ENOSF1: variants seen among roughly 807,000 people sequenced by gnomAD.
The protein encoded by ENOSF1 is enolase superfamily member 1, also known as mitochondrial enolase superfamily member 1.
Under a neutral mutation model 68.2 loss-of-function variants are expected in ENOSF1, and 73 were observed. That is an observed-to-expected ratio of 1.07 (90% CI 0.89 to 1.30). The LOEUF (loss-of-function observed/expected upper bound fraction) is 1.30, where lower values mean the gene tolerates loss of function less well. Among genes scored for constraint, ENOSF1 ranks in the 50% most tolerant of loss-of-function variants. ENOSF1 has a pLI of 0.00. For synonymous variants in ENOSF1, 223 were observed against 210.4 expected (o/e 1.06, Z -0.52); for missense variants, 589 against 554.5 (o/e 1.06, Z -0.62).
Position 694,329 on chromosome 18 carries a change from A to G in ENOSF1, c.315T>C (p.Gly105=). 1 of 1,614,104 alleles carries G rather than the reference A, an allele frequency of 6.2e-7. No homozygotes were observed. The highest frequency in any genetic ancestry group is 8.5e-7 in the Non-Finnish European group (1 of 1,180,026). The change falls in exon 4 of 16, where the codon GGT becomes GGC. Residue 105 remains glycine (G), a synonymous_variant. Transcript: ENST00000647584. ...CCAGGTGCACCACGCCCTTTTCTGGACCAATCTGGTTAGGAAGCAAAGTAC... is the reference window on the plus strand; with the variant it reads ...CCAGGTGCACCACGCCCTTTTCTGGGCCAATCTGGTTAGGAAGCAAAGTAC... ...LTSDGQLRWI[G]PEKGVVHLAT...
At chr18:705,652 T>C (rs1355606098) in intron 2 of ENOSF1, among the ~76,000 whole-genome samples, 2 of 151,898 alleles carry the variant, frequency 1.3e-5, no homozygotes, top group African/African-American at 4.8e-5. Context: ...ACCTCCGAGA[T>C]TGGGCGGGGC....
At chr18:669,953 C>T (rs1567993117), downstream of ENOSF1, among the ~76,000 whole-genome samples, 2 of 151,674 alleles carry the variant, frequency 1.3e-5, no homozygotes, top group South Asian at 4.2e-4. Flanking sequence ...CAGAGTGAGA[C>T]CCTGAATATT....
rs1199071991 is a variant in ENOSF1 at position 670,905 on chromosome 18, A to G, written c.*3400T>C. The G allele has an allele frequency of 2.9e-5, 47 of 1,607,252 alleles. No individual in the cohort carries two copies. The highest frequency in any genetic ancestry group is 3.8e-5 in the Non-Finnish European group (45 of 1,175,952). ...GGGAAGGGTGACTTGCCAGCCTACC[A>G]CACTGAGCTCTTCAGTTCTTTAATA... On this transcript the variant is annotated 3_prime_UTR_variant, in exon 16 of 16. Coordinates refer to ENST00000647584, the MANE Select transcript of ENOSF1 (RefSeq NM_017512.7).
rs10610259 is a variant in ENOSF1 at position 673,710 on chromosome 18, GTTT to G, written c.*592_*594del. The G allele has an allele frequency of 0.41, 56,660 of 138,584 alleles. 11,893 individuals are homozygous for G. Among genetic ancestry groups the G allele is most frequent in the East Asian group, 0.68 (3,500 of 5,170 alleles). 8.6% of individuals were successfully genotyped at this position (138,584 alleles called of 1,614,324 possible). A position where few individuals can be genotyped will look rare whatever the true frequency, so the allele number is the denominator to read the frequency against. On this transcript the variant is annotated 3_prime_UTR_variant, in exon 16 of 16. Transcript: ENST00000647584. Reference sequence around the variant, plus strand: ...AAATATAATGACCATTTAGGATAGAGTTTTTTTTTTTTTTTTTTAAACTTTTAT... The same window carrying G: ...AAATATAATGACCATTTAGGATAGAGTTTTTTTTTTTTTTTAAACTTTTAT...
chr18:694,182 G>C (rs2077484644), intron 4 of ENOSF1, 66 bp downstream of exon 4: 3 of 1,471,444 alleles, frequency 2.0e-6, no homozygotes, highest in Non-Finnish European at 2.8e-6. Flanking sequence ...TCTTTCCTCT[G>C]TGCGTAGGGA....
intron 1 of ENOSF1, among the ~76,000 whole-genome samples, chr18:709,483 GGAGGTAA>G (rs1286756549): frequency 6.6e-6 from 1 of 152,138 alleles, no homozygotes; most frequent in East Asian, 1.9e-4. Flanking sequence ...AGATTAAGAA[GGAGGTAA>G]GCCCGGAGTA....
chr18:664,450 A>G, the ENOSF1 span, among the ~76,000 whole-genome samples: 4 of 143,840 alleles, frequency 2.8e-5, no homozygotes, highest in African/African-American at 5.4e-5. Context: ...ATATACAATC[A>G]TGTCGTCTGC....
At position 688,442 on chromosome 18, in the gene ENOSF1, A is replaced by C. The variant is rs374270792; in HGVS notation, c.653+132T>G. Reference sequence around the variant, plus strand: ...CCTGGCCTAAGGGGAAACTTCTCTTATGCATCCCTATGAGCCAGGGGGATC... The same window carrying C: ...CCTGGCCTAAGGGGAAACTTCTCTTCTGCATCCCTATGAGCCAGGGGGATC... On this transcript the variant is annotated intron_variant, in intron 9 of 15. Transcript: ENST00000647584. 402 of 1,117,818 alleles carry C rather than the reference A, an allele frequency of 3.6e-4. 9 individuals are homozygous for C. In the South Asian group the frequency reaches 5.3e-3, roughly 15 times the overall value. 69.2% of individuals were successfully genotyped at this position (1,117,818 alleles called of 1,614,324 possible).
At chr18:682,551 C>T (rs530850880) in intron 11 of ENOSF1, among the ~76,000 whole-genome samples, 50 of 151,900 alleles carry the variant, frequency 3.3e-4, no homozygotes, top group African/African-American at 1.1e-3. Flanking sequence ...AACCAGTTAG[C>T]GTGTAGGAGA....
downstream of ENOSF1, chr18:667,597 ATGGTGATGGT>A (rs2074881615): frequency 9.6e-6 from 1 of 103,960 alleles, no homozygotes; most frequent in Admixed American, 8.7e-5. Context: ...GGTGATGGTG[ATGGTGATGGT>A]GATGGAGATG....
At chr18:682,293 C>T (rs1374696019) in intron 11 of ENOSF1, among the ~76,000 whole-genome samples, 3 of 152,172 alleles carry the variant, frequency 2.0e-5, no homozygotes, top group Admixed American at 2.0e-4. Context: ...CTATTGCTCC[C>T]AGGCTACAAA....
chr18:693,834 A>T, intron 5 of ENOSF1, 48 bp downstream of exon 5: 1 of 1,611,934 alleles, frequency 6.2e-7, no homozygotes, highest in Non-Finnish European at 8.5e-7. Context: ...CATCAATGAT[A>T]TCCATTTCAT....
rs577088724 is a variant in ENOSF1, at chr18:678,471, A to G, written c.918+225T>C. 276 of 523,572 alleles carry G rather than the reference A, an allele frequency of 5.3e-4. 1 individual carries two copies. The highest frequency in any genetic ancestry group is 4.7e-3 in the African/African-American group (248 of 52,310). 32.4% of individuals were successfully genotyped at this position (523,572 alleles called of 1,614,324 possible). ...TTTCAATTTCAATTAGACACTTTGA[A>G]AAAGATACCCGACCTTAGTCATATA... On this transcript the variant is annotated intron_variant, in intron 12 of 15. Coordinates refer to ENST00000647584, the MANE Select transcript of ENOSF1 (RefSeq NM_017512.7).
At chr18:686,088 C>A in intron 9 of ENOSF1, 80 bp from the exon 10 acceptor site, 1 of 956,962 alleles carries the variant, frequency 1.0e-6, no homozygotes, top group Non-Finnish European at 1.7e-6. Flanking sequence ...CAGAAGTGAC[C>A]GTCTCTGTCA....
intron 11 of ENOSF1, among the ~76,000 whole-genome samples, chr18:680,273 C>T (rs1336919372): frequency 6.6e-6 from 1 of 152,218 alleles, no homozygotes; most frequent in Non-Finnish European, 1.5e-5. Flanking sequence ...TTAGTTTGAG[C>T]AGATGGTCTC....
intron 2 of ENOSF1, among the ~76,000 whole-genome samples, chr18:698,482 T>C (rs2077977743): frequency 6.6e-6 from 1 of 152,242 alleles, no homozygotes; most frequent in South Asian, 2.1e-4. Flanking sequence ...TGTAAAATGT[T>C]AAAATATATG....
Position 673,077 on chromosome 18 carries a change from C to A in ENOSF1, c.*1228G>T. The A allele has an allele frequency of 7.1e-7, 1 of 1,409,306 alleles. No homozygotes were observed. The highest frequency in any genetic ancestry group is 1.9e-5 in the South Asian group (1 of 53,570). The allele number at this position is 1,409,306 out of a possible 1,614,324, so 87.3% of individuals were successfully genotyped here. On this transcript the variant is annotated 3_prime_UTR_variant, in exon 16 of 16. Coordinates refer to ENST00000647584, the MANE Select transcript of ENOSF1 (RefSeq NM_017512.7). ...TGCCGAGGTAAAAGTTCTTTTTGCT[C>A]TAAAAGAAAAAGGAACTAGGTCAAA...
intron 1 of ENOSF1, among the ~76,000 whole-genome samples, chr18:712,023 G>A (rs527281043): frequency 6.6e-6 from 1 of 152,322 alleles, no homozygotes; most frequent in South Asian, 2.1e-4. Context: ...AGGGTACAGA[G>A]GAAGCCAGCG....
In ENOSF1 at chr18:695,558, A is replaced by AAGG. The variant is rs1555663557; in HGVS notation, c.310-1225_310-1224insCCT. On this transcript the variant is annotated intron_variant, in intron 3 of 15. Coordinates refer to ENST00000647584, the MANE Select transcript of ENOSF1 (RefSeq NM_017512.7). The stretch of plus-strand genomic sequence containing the variant: ...ATTTATTAGATTTTAATCAGCTGTA[A>AAGG]TGGGCTTGACCTTGTTGTTTATTAC... 4.6e-3 allele frequency among the ~76,000 whole-genome samples: 703 copies of AAGG among 151,844 alleles called. 2 individuals carry two copies. Among genetic ancestry groups the AAGG allele is most frequent in the African/African-American group, 0.016 (673 of 41,412 alleles).
Sources: gnomAD v4.1 joint callset for allele counts (sites outside exome capture counted in the v4.1 genomes callset) on GRCh38, gnomAD v4.1.1 for gene constraint, MANE v1.5 for transcripts, NCBI Gene and HGNC (gene_info 2026-07-23, HGNC 2026-07-21) for gene names.